Variants in CSMD1 observed in about 807,000 individuals in gnomAD.
CSMD1 encodes CUB and Sushi multiple domains 1.
A neutral mutation model predicts 417.5 loss-of-function variants in CSMD1; 213 were observed. The ratio of observed to expected loss-of-function variants is 0.51; its 90% CI spans 0.46 to 0.57. The LOEUF is 0.57. Ranked by LOEUF, CSMD1 falls within the 20% of genes least tolerant of loss-of-function variation. CSMD1 has a pLI of 0.00. For missense variants in CSMD1, 6,923 were observed against 4,529.7 expected, an observed-to-expected ratio of 1.53 and a Z score of -15.17; for synonymous variants, 2,862 against 1,736.8, an observed-to-expected ratio of 1.65 and a Z score of -16.11.
chr8:4,529,849 G>A (rs943585219), intron 2 of CSMD1, among the ~76,000 whole-genome samples: 1 of 149,232 alleles, frequency 6.7e-6, no homozygotes, highest in Non-Finnish European at 1.5e-5. Flanking sequence ...TTACCGTCAG[G>A]TTGCTGCCCA....
chr8:4,036,779 C>A (rs1019255793), intron 3 of CSMD1, among the ~76,000 whole-genome samples: 1 of 152,214 alleles, frequency 6.6e-6, no homozygotes, highest in African/African-American at 2.4e-5. Context: ...GTTGGCAGCA[C>A]CACTATTTCA....
chr8:3,106,183 C>A, intron 46 of CSMD1, among the ~76,000 whole-genome samples: 1 of 135,282 alleles, frequency 7.4e-6, no homozygotes. Context: ...TCCAGAAGTT[C>A]AAGACCAGCC....
intron 7 of CSMD1, among the ~76,000 whole-genome samples, chr8:3,655,410 T>C (rs1269654783): frequency 6.6e-6 from 1 of 152,246 alleles, no homozygotes. Context: ...GTAACTCTTT[T>C]AAGATAACAT....
At chr8:3,320,185 A>T (rs961472599) in intron 23 of CSMD1, among the ~76,000 whole-genome samples, 1 of 152,214 alleles carries the variant, frequency 6.6e-6, no homozygotes, top group East Asian at 1.9e-4. Flanking sequence ...AATGACGATT[A>T]TAAGAGTCCA....
chr8:3,021,718 C>T (rs182221183), intron 51 of CSMD1, among the ~76,000 whole-genome samples: 31 of 115,892 alleles, frequency 2.7e-4, no homozygotes, highest in African/African-American at 8.3e-4. Context: ...CTGGAATGCA[C>T]CTGCAATCCC....
At chr8:4,834,377 A>G (rs1481000547) in intron 1 of CSMD1, among the ~76,000 whole-genome samples, 1 of 152,204 alleles carries the variant, frequency 6.6e-6, no homozygotes, top group Non-Finnish European at 1.5e-5. Context: ...ATACGTTAGG[A>G]GAGATATAAG....
chr8:4,896,430 T>A (rs544168834), intron 1 of CSMD1, among the ~76,000 whole-genome samples: 1 of 152,148 alleles, frequency 6.6e-6, no homozygotes, highest in Non-Finnish European at 1.5e-5. Flanking sequence ...TTCTCAATTC[T>A]TTTGTTATGG....
chr8:3,732,142 G>A (rs552436684), intron 6 of CSMD1, among the ~76,000 whole-genome samples: 91 of 152,278 alleles, frequency 6.0e-4, no homozygotes, highest in Non-Finnish European at 9.3e-4. Flanking sequence ...CGGAAGCCAC[G>A]GGCAAGCCCT....
At chr8:4,618,572 T>C (rs1801606972) in intron 2 of CSMD1, among the ~76,000 whole-genome samples, 1 of 151,932 alleles carries the variant, frequency 6.6e-6, no homozygotes, top group South Asian at 2.1e-4. Flanking sequence ...CATAGCCTTC[T>C]CCTGGATCCA....
intron 7 of CSMD1, among the ~76,000 whole-genome samples, chr8:3,618,420 C>G (rs1008789867): frequency 1.3e-5 from 2 of 152,002 alleles, no homozygotes; most frequent in South Asian, 4.2e-4. Context: ...CTTCACTATT[C>G]CAAACGGGTT....
At chr8:4,264,208 A>C (rs1007157016) in intron 3 of CSMD1, among the ~76,000 whole-genome samples, 5 of 152,188 alleles carry the variant, frequency 3.3e-5, no homozygotes, top group Non-Finnish European at 5.9e-5. Flanking sequence ...TACCAACGTG[A>C]CTACAATTAA....
intron 5 of CSMD1, among the ~76,000 whole-genome samples, chr8:3,919,725 G>C (rs1482724934): frequency 6.6e-6 from 1 of 152,058 alleles, no homozygotes; most frequent in Non-Finnish European, 1.5e-5. Flanking sequence ...ACTTTGCGTA[G>C]TATGGACATT....
rs79524887 is a variant in CSMD1, at chr8:3,967,974, T to C, written c.818+29929A>G. ...CGAGGTCAGGAGATCGAGACCATCC[T>C]GGCCAACACGGTGAAACCCCGTCAC... On this transcript the variant is annotated intron_variant, in intron 5 of 69. Transcript: ENST00000635120. Among the ~76,000 whole-genome samples the C allele has an allele frequency of 1.0e-4, 14 of 140,172 alleles. No individual in the cohort carries two copies. In the East Asian group the frequency reaches 3.0e-3, roughly 30 times the overall value. The allele number at this position is 140,172 out of a possible 152,430, so 92.0% of individuals were successfully genotyped here.
chr8:3,262,498 T>G (rs1434585238), intron 26 of CSMD1, among the ~76,000 whole-genome samples: 6 of 151,094 alleles, frequency 4.0e-5, no homozygotes, highest in Non-Finnish European at 8.8e-5. Context: ...AATTACTGTT[T>G]ATCCAAGAGG....
intron 3 of CSMD1, among the ~76,000 whole-genome samples, chr8:4,172,168 T>C (rs1200483335): frequency 3.3e-5 from 5 of 152,094 alleles, no homozygotes; most frequent in Non-Finnish European, 4.4e-5. Flanking sequence ...AGAGAAGTGT[T>C]TGTGCCTTTT....
rs537251742 is a variant in CSMD1, at chr8:3,829,532, A to C, written c.819-75490T>G. On this transcript the variant is annotated intron_variant, in intron 5 of 69. Coordinates refer to ENST00000635120, the MANE Select transcript of CSMD1 (RefSeq NM_033225.6). Reference sequence around the variant, plus strand: ...CTCTGTCCTGCACCAGAACATGATTACATGAGTTTGGGAGAGTTGCTACTC... The same window carrying C: ...CTCTGTCCTGCACCAGAACATGATTCCATGAGTTTGGGAGAGTTGCTACTC... Among the ~76,000 whole-genome samples the C allele has an allele frequency of 2.6e-5, 4 of 152,306 alleles. No homozygotes were observed. In the South Asian group the frequency reaches 8.3e-4, roughly 32 times the overall value.
At chr8:3,457,029 C>G (rs1476693284) in intron 12 of CSMD1, among the ~76,000 whole-genome samples, 1 of 151,846 alleles carries the variant, frequency 6.6e-6, no homozygotes, top group African/African-American at 2.4e-5. Context: ...ATCCTGGACC[C>G]CTTCACCTGT....
chr8:4,346,437 G>T (rs1295571444), intron 3 of CSMD1, among the ~76,000 whole-genome samples: 3 of 152,048 alleles, frequency 2.0e-5, no homozygotes, highest in African/African-American at 7.2e-5. Flanking sequence ...ACAGTATCTG[G>T]CCCTTTAAAG....
At chr8:3,292,365 C>A (rs1338619983) in intron 25 of CSMD1, among the ~76,000 whole-genome samples, 6 of 152,104 alleles carry the variant, frequency 3.9e-5, no homozygotes, top group Non-Finnish European at 4.4e-5. Flanking sequence ...GAGCTGAGTT[C>A]AATTCCTGGG....
Sources: allele counts gnomAD v4.1 joint callset (sites outside exome capture counted in the v4.1 genomes callset), GRCh38; gene constraint gnomAD v4.1.1; transcripts MANE v1.5; gene names NCBI Gene and HGNC (gene_info 2026-07-23, HGNC 2026-07-21).